Variants in ZSWIM6 observed in about 807,000 individuals in gnomAD.
ZSWIM6 encodes zinc finger SWIM domain-containing protein 6.
Under a neutral mutation model 113.2 loss-of-function variants are expected in ZSWIM6, and 9 were observed. That is an observed-to-expected ratio of 0.08 (90% CI 0.05 to 0.14). ZSWIM6 has a LOEUF of 0.14. ZSWIM6 is among the 10% of genes least tolerant of loss of function. ZSWIM6 has a pLI of 1.00. For missense variants in ZSWIM6, 1,162 were observed against 1,552.2 expected, an observed-to-expected ratio of 0.75 and a Z score of 4.22; for synonymous variants, 611 against 606.5, an observed-to-expected ratio of 1.01 and a Z score of -0.11.
intron 4 of ZSWIM6, among the ~76,000 whole-genome samples, chr5:61,495,951 A>C (rs1748303548): frequency 6.6e-6 from 1 of 152,174 alleles, no homozygotes; most frequent in Non-Finnish European, 1.5e-5. Flanking sequence ...CTGTTTAGGA[A>C]GAAAATACCA....
chr5:61,480,851 G>A (rs572920871), intron 2 of ZSWIM6, among the ~76,000 whole-genome samples: 95 of 152,152 alleles, frequency 6.2e-4, no homozygotes, highest in African/African-American at 2.1e-3. Flanking sequence ...GTCGACCAAG[G>A]CCTTTGTAAG....
At chr5:61,349,819 T>C (rs1732618872) in intron 1 of ZSWIM6, among the ~76,000 whole-genome samples, 1 of 152,248 alleles carries the variant, frequency 6.6e-6, no homozygotes, top group African/African-American at 2.4e-5. Context: ...TGATTGCTTT[T>C]TCCTTCTATT....
At chr5:61,341,757 C>T (rs1744551737) in intron 1 of ZSWIM6, among the ~76,000 whole-genome samples, 1 of 150,502 alleles carries the variant, frequency 6.6e-6, no homozygotes, top group Non-Finnish European at 1.5e-5. Context: ...GTCAACGTGC[C>T]TCCTCCTCCT....
chr5:61,541,322 A>G (rs1319492517), intron 12 of ZSWIM6, among the ~76,000 whole-genome samples: 1 of 152,198 alleles, frequency 6.6e-6, no homozygotes, highest in Admixed American at 6.5e-5. Flanking sequence ...TTCTTGTTAG[A>G]AAGTGAAAAA....
chr5:61,437,492 G>C (rs1432902519), intron 1 of ZSWIM6, among the ~76,000 whole-genome samples: 1 of 152,076 alleles, frequency 6.6e-6, no homozygotes, highest in East Asian at 1.9e-4. Context: ...GGAAGCTGAG[G>C]TGGGCAGATT....
In ZSWIM6 at chr5:61,543,809, A is replaced by T. The variant is rs1361127586; in HGVS notation, c.3140A>T (p.Tyr1047Phe). 1.0e-5 allele frequency: 16 copies of T among 1,551,818 alleles called. No homozygotes were observed. Among genetic ancestry groups the T allele is most frequent in the Non-Finnish European group, 1.4e-5 (16 of 1,147,058 alleles). Residue 1047 changes from tyrosine to phenylalanine, a missense_variant, in exon 14 of 14, where the codon TAC (tyrosine) becomes TTC (phenylalanine). This residue lies in a region of ZSWIM6 where 620 missense variants were observed against 804.6 expected (regional missense o/e 0.77). Coordinates refer to ENST00000252744, the MANE Select transcript of ZSWIM6 (RefSeq NM_020928.2). This position sits in a 1 kb window ranked among gnomAD's most constrained non-coding sequence, Gnocchi z 4.3. ...CACCGCGGGTACCCCATGAGGGCCT[A>T]CAAGCTGGCCACCCTGGCCATGACC... ...MEHRGYPMRA[Y>F]KLATLAMTHL...
intron 1 of ZSWIM6, among the ~76,000 whole-genome samples, chr5:61,413,891 T>C (rs1019163181): frequency 2.0e-5 from 3 of 150,326 alleles, no homozygotes; most frequent in Non-Finnish European, 4.4e-5. Flanking sequence ...TCTTGGAAAT[T>C]AGAGATGTTA....
chr5:61,378,346 G>T (rs1240429854), intron 1 of ZSWIM6, among the ~76,000 whole-genome samples: 4 of 152,176 alleles, frequency 2.6e-5, no homozygotes, highest in African/African-American at 9.7e-5. Context: ...GGATGATGTA[G>T]ATATTAAATG....
intron 1 of ZSWIM6, among the ~76,000 whole-genome samples, chr5:61,389,216 G>A (rs1302087376): frequency 6.6e-6 from 1 of 152,068 alleles, no homozygotes; most frequent in African/African-American, 2.4e-5. Context: ...TACCACATTT[G>A]TATCCTGAAG....
At chr5:61,370,601 CTCAG>C (rs2112067028) in intron 1 of ZSWIM6, among the ~76,000 whole-genome samples, 1 of 152,288 alleles carries the variant, frequency 6.6e-6, no homozygotes, top group East Asian at 1.9e-4. Flanking sequence ...ATGCATGAGG[CTCAG>C]ATGGAGTGTC....
intron 1 of ZSWIM6, among the ~76,000 whole-genome samples, chr5:61,421,083 T>C (rs1372140990): frequency 6.6e-6 from 1 of 151,422 alleles, no homozygotes; most frequent in African/African-American, 2.4e-5. Flanking sequence ...CTCAGCTAAT[T>C]TATTTATTTA....
In ZSWIM6 at chr5:61,544,309, T is replaced by A; in HGVS notation, c.3640T>A (p.Phe1214Ile). The change falls in exon 14 of 14, where the codon TTT becomes ATT. Residue 1214 changes from phenylalanine to isoleucine, a missense_variant. Around this residue, in one of 4 missense-constraint regions of ZSWIM6, gnomAD observed 113 missense variants for 213.8 expected, o/e 0.53. Coordinates refer to ENST00000252744, the MANE Select transcript of ZSWIM6 (RefSeq NM_020928.2). Reference protein sequence around the residue: ...KKLMMLVRERFG With the variant: ...KKLMMLVRERIG ...ACTGATGATGTTGGTTCGGGAGAGG[T>A]TTGGTTGATAGATCTTGTATGAATG... 1 of 1,262,976 alleles carries A rather than the reference T, an allele frequency of 7.9e-7. No individual in the cohort carries two copies. The highest frequency in any genetic ancestry group is 1.0e-6 in the Non-Finnish European group (1 of 969,388). 78.2% of individuals were successfully genotyped at this position (1,262,976 alleles called of 1,614,324 possible). A position where few individuals can be genotyped will look rare whatever the true frequency, so the allele number is the denominator to read the frequency against.
chr5:61,377,969 T>G (rs1171086056), intron 1 of ZSWIM6, among the ~76,000 whole-genome samples: 1 of 152,226 alleles, frequency 6.6e-6, no homozygotes, highest in Non-Finnish European at 1.5e-5. Context: ...AGATGCCATT[T>G]TTTAAAAACC....
intron 1 of ZSWIM6, among the ~76,000 whole-genome samples, chr5:61,382,962 G>A (rs1273336229): frequency 6.6e-6 from 1 of 152,156 alleles, no homozygotes; most frequent in Non-Finnish European, 1.5e-5. Context: ...TAAATAACAT[G>A]CTCAGTGTTA....
At chr5:61,387,972 TTCTC>T (rs948180993) in intron 1 of ZSWIM6, among the ~76,000 whole-genome samples, 13 of 145,988 alleles carry the variant, frequency 8.9e-5, no homozygotes, top group Middle Eastern at 7.1e-3. Context: ...ATTTTACCCT[TTCTC>T]TCTCTCTCTC....
chr5:61,402,172 T>A (rs1168521831), intron 1 of ZSWIM6, among the ~76,000 whole-genome samples: 1 of 152,224 alleles, frequency 6.6e-6, no homozygotes, highest in Non-Finnish European at 1.5e-5. Context: ...TTTCTGTGTT[T>A]GGGATGCCTT....
chr5:61,436,219 T>G (rs1259822751), intron 1 of ZSWIM6, among the ~76,000 whole-genome samples: 1 of 148,530 alleles, frequency 6.7e-6, no homozygotes, highest in African/African-American at 2.5e-5. Flanking sequence ...AAAAAAAAAA[T>G]GTAGTCACTA....
chr5:61,482,444 A>G (rs1747896356), intron 2 of ZSWIM6, among the ~76,000 whole-genome samples: 1 of 152,158 alleles, frequency 6.6e-6, no homozygotes, highest in Admixed American at 6.5e-5. Context: ...GCATGTGTAT[A>G]CCTATGTGCA....
In ZSWIM6 at chr5:61,543,306, TCA is replaced by T; in HGVS notation, c.2786-146_2786-145del. 3.3e-6 allele frequency: 3 copies of T among 898,136 alleles called. No homozygotes were observed. Among genetic ancestry groups the T allele is most frequent in the Non-Finnish European group, 4.9e-6 (3 of 610,040 alleles). The allele number at this position is 898,136 out of a possible 1,614,324, so 55.6% of individuals were successfully genotyped here. On this transcript the variant is annotated intron_variant, in intron 13 of 13. Coordinates refer to ENST00000252744, the MANE Select transcript of ZSWIM6 (RefSeq NM_020928.2). The surrounding 1 kb of genome is among the most constrained non-coding windows in gnomAD (Gnocchi z 4.3). ...TAATGACCTTATTCTTAAAGGTTTC[TCA>T]CAGGCACATTACTTTACAGGATTTT... is the stretch of plus-strand genomic sequence containing the variant.
Sources: gnomAD v4.1 joint callset for allele counts (sites outside exome capture counted in the v4.1 genomes callset) on GRCh38, gnomAD v4.1.1 for gene constraint, gnomAD v4.1.1 regional missense constraint, Gnocchi (gnomAD v3.1) non-coding constraint, MANE v1.5 for transcripts, NCBI Gene and HGNC (gene_info 2026-07-23, HGNC 2026-07-21) for gene names.